Variants in CDIN1 observed in about 807,000 individuals in gnomAD.
CDIN1 encodes CDAN1 interacting nuclease 1, also known as CDAN1-interacting nuclease 1.
A neutral mutation model predicts 45.3 loss-of-function variants in CDIN1; 33 were observed. The ratio of observed to expected loss-of-function variants is 0.73; its 90% CI spans 0.55 to 0.97. The LOEUF (loss-of-function observed/expected upper bound fraction) is 0.97. CDIN1 is among the 50% of genes least tolerant of loss of function. CDIN1 has a pLI of 0.00. For missense variants in CDIN1, 303 were observed against 339.4 expected (o/e 0.89, Z 0.84); for synonymous variants, 118 against 124.4 (o/e 0.95, Z 0.34).
Position 36,619,006 on chromosome 15 carries a change from C to T in CDIN1, c.102-25272C>T, listed in dbSNP as rs941805284. 4 of 1,493,594 alleles carry T rather than the reference C, an allele frequency of 2.7e-6. No homozygotes were observed. In the African/African-American group the frequency reaches 5.6e-5, roughly 21 times the overall value. 92.5% of individuals were successfully genotyped at this position (1,493,594 alleles called of 1,614,324 possible). A position where few individuals can be genotyped will look rare whatever the true frequency, so the allele number is the denominator to read the frequency against. On this transcript the variant is annotated intron_variant, in intron 1 of 10. Transcript: ENST00000566621. ...GCCATCTTCAGTTCTTGTGTAGCCA[C>T]TATGGGAACTTCGCTCCAATGTAGT...
intron 10 of CDIN1, among the ~76,000 whole-genome samples, chr15:36,790,713 A>G (rs1056320548): frequency 2.6e-5 from 4 of 152,234 alleles, no homozygotes; most frequent in African/African-American, 9.6e-5. Flanking sequence ...CTAAAAGGGA[A>G]AAGTTCCAGT....
chr15:36,708,413 T>A (rs973902937), intron 8 of CDIN1: 1 of 151,754 alleles, frequency 6.6e-6, no homozygotes, highest in Non-Finnish European at 1.5e-5. Flanking sequence ...AATCACATTG[T>A]ACTGCCATTA....
intron 10 of CDIN1, among the ~76,000 whole-genome samples, chr15:36,760,359 T>C (rs944234702): frequency 2.0e-5 from 3 of 152,204 alleles, no homozygotes; most frequent in African/African-American, 7.2e-5. Context: ...GATGTGACTT[T>C]TGTGATAATT....
intron 10 of CDIN1, among the ~76,000 whole-genome samples, chr15:36,796,557 G>T (rs968271178): frequency 3.3e-5 from 5 of 152,190 alleles, no homozygotes; most frequent in Admixed American, 6.5e-5. Context: ...GTGCAGGATG[G>T]CCTCCCAGAC....
At chr15:36,618,761 C>CAAAAA (rs34933565) in intron 1 of CDIN1, 150 of 616,078 alleles carry the variant, frequency 2.4e-4, no homozygotes, top group South Asian at 5.4e-4. Flanking sequence ...ACAACTCAGC[C>CAAAAA]AAAAAAAAAA....
At chr15:36,671,954 A>G (rs1346470284) in intron 5 of CDIN1, among the ~76,000 whole-genome samples, 1 of 152,074 alleles carries the variant, frequency 6.6e-6, no homozygotes, top group Non-Finnish European at 1.5e-5. Context: ...AAAAATGTGC[A>G]CTGTTTTAAT....
At chr15:36,665,252 A>G (rs2041204481) in intron 5 of CDIN1, among the ~76,000 whole-genome samples, 1 of 152,208 alleles carries the variant, frequency 6.6e-6, no homozygotes, top group African/African-American at 2.4e-5. Context: ...TATTAACGGT[A>G]ATGATTGTAT....
intron 10 of CDIN1, among the ~76,000 whole-genome samples, chr15:36,773,246 C>T (rs555670002): frequency 3.4e-4 from 51 of 152,226 alleles, no homozygotes; most frequent in African/African-American, 1.2e-3. Flanking sequence ...GGATCTAGGG[C>T]TATTGGTCCC....
At chr15:36,690,526 C>T (rs2042210679) in intron 5 of CDIN1, among the ~76,000 whole-genome samples, 1 of 152,044 alleles carries the variant, frequency 6.6e-6, no homozygotes, top group Non-Finnish European at 1.5e-5. Context: ...CCTCGGCCTC[C>T]CAAAGTGCTG....
chr15:36,710,253 G>A (rs1221516001), intron 10 of CDIN1, among the ~76,000 whole-genome samples: 4 of 152,062 alleles, frequency 2.6e-5, no homozygotes, highest in Admixed American at 2.0e-4. Flanking sequence ...AAGATGTGGT[G>A]TATATTACAG....
At chr15:36,748,627 T>C (rs1019119529) in intron 10 of CDIN1, among the ~76,000 whole-genome samples, 11 of 152,158 alleles carry the variant, frequency 7.2e-5, no homozygotes, top group Non-Finnish European at 1.2e-4. Flanking sequence ...TTAGCAGATA[T>C]TTTTTCCATT....
intron 10 of CDIN1, among the ~76,000 whole-genome samples, chr15:36,741,458 CTT>C (rs541497919): frequency 9.1e-4 from 118 of 130,336 alleles, no homozygotes; most frequent in Admixed American, 9.4e-4. Context: ...ATTTGAAAAG[CTT>C]TTTTTTTTTT....
intron 10 of CDIN1, among the ~76,000 whole-genome samples, chr15:36,732,688 G>A (rs2043874467): frequency 6.6e-6 from 1 of 151,978 alleles, no homozygotes; most frequent in African/African-American, 2.4e-5. Context: ...TATCTGAGGT[G>A]AGGGATCTCT....
rs1465038196 is a variant in CDIN1, at chr15:36,808,954, A to G, written c.*501A>G. On this transcript the variant is annotated 3_prime_UTR_variant, in exon 11 of 11. Coordinates refer to ENST00000566621, the MANE Select transcript of CDIN1 (RefSeq NM_001321759.2). ...GGAATAATCTAGCGCAAACCTAGGA[A>G]AGCTGAAGCCACAAAGTCCAAAGCC... is the stretch of plus-strand genomic sequence containing the variant. The G allele has an allele frequency of 4.4e-6, 2 of 455,858 alleles. No individual in the cohort carries two copies. Among genetic ancestry groups the G allele is most frequent in the African/African-American group, 4.0e-5 (2 of 50,046 alleles). The allele number at this position is 455,858 out of a possible 1,614,324, so 28.2% of individuals were successfully genotyped here. A position where few individuals can be genotyped will look rare whatever the true frequency, so the allele number is the denominator to read the frequency against.
At chr15:36,646,506 A>T (rs79922797) in intron 3 of CDIN1, among the ~76,000 whole-genome samples, 1 of 5,426 alleles carries the variant, frequency 1.8e-4, no homozygotes, top group South Asian at 7.2e-3. Context: ...TTGATGATTT[A>T]TTCAAAAGTC....
intron 10 of CDIN1, among the ~76,000 whole-genome samples, chr15:36,753,708 G>A (rs1260189422): frequency 1.3e-5 from 2 of 151,906 alleles, no homozygotes; most frequent in African/African-American, 2.4e-5. Context: ...GACTCTGCCT[G>A]AAAAGACTTT....
intron 1 of CDIN1, among the ~76,000 whole-genome samples, chr15:36,603,252 ACATTC>A (rs2038197661): frequency 6.6e-6 from 1 of 152,210 alleles, no homozygotes; most frequent in Non-Finnish European, 1.5e-5. Context: ...AGCTAAAGAC[ACATTC>A]CCTTTAACTA....
chr15:36,755,957 A>G (rs767042644), intron 10 of CDIN1: 42 of 418,076 alleles, frequency 1.0e-4, no homozygotes, highest in Non-Finnish European at 1.8e-4. Flanking sequence ...ATTCCCTGGT[A>G]TTTCGAGAAT....
chr15:36,687,028 AAGGG>A (rs775172304), intron 5 of CDIN1, among the ~76,000 whole-genome samples: 6 of 121,270 alleles, frequency 4.9e-5, no homozygotes, highest in Non-Finnish European at 8.7e-5. Flanking sequence ...GAATAGAAGG[AAGGG>A]AGGGAGGGAG....
Sources: gnomAD v4.1 joint callset for allele counts (sites outside exome capture counted in the v4.1 genomes callset) on GRCh38, gnomAD v4.1.1 for gene constraint, MANE v1.5 for transcripts, NCBI Gene and HGNC (gene_info 2026-07-23, HGNC 2026-07-21) for gene names.